PPP2R2B: variants seen among roughly 807,000 people sequenced by gnomAD.
PPP2R2B encodes the protein serine/threonine-protein phosphatase 2A 55 kDa regulatory subunit B beta isoform.
Under a neutral mutation model 46.0 loss-of-function variants are expected in PPP2R2B, and 5 were observed. The ratio of observed to expected loss-of-function variants is 0.11; its 90% confidence interval spans 0.06 to 0.23. PPP2R2B has a LOEUF of 0.23. Ranked by LOEUF, PPP2R2B falls within the 10% of genes least tolerant of loss-of-function variation. PPP2R2B has a pLI of 1.00. For synonymous variants in PPP2R2B, 215 were observed against 206.7 expected (o/e 1.04, Z -0.34); for missense variants, 367 against 575.0 (o/e 0.64, Z 3.70).
intron 1 of PPP2R2B, among the ~76,000 whole-genome samples, chr5:146,944,541 T>C (rs950093715): frequency 6.6e-5 from 10 of 152,142 alleles, no homozygotes; most frequent in Admixed American, 3.9e-4. Context: ...CTGGGTTTTA[T>C]ATAGTTTGAT....
In PPP2R2B at chr5:146,638,439, G is replaced by A. The variant is rs1182043008; in HGVS notation, c.626-24C>T. On this transcript the variant is annotated intron_variant, in intron 6 of 9. Transcript: ENST00000394411. The stretch of plus-strand genomic sequence containing the variant: ...ATCTGGCACAGACGAGTCAAGGAAG[G>A]AACCAGGAGAAGGAGGCAGGAACTT... The A allele has an allele frequency of 3.8e-6, 6 of 1,559,186 alleles. No homozygotes were observed. In the South Asian group the frequency reaches 7.1e-5, roughly 18 times the overall value.
chr5:146,646,639 G>A (rs440999), intron 6 of PPP2R2B, among the ~76,000 whole-genome samples: 4,812 of 152,232 alleles, frequency 0.032, 241 homozygotes, highest in African/African-American at 0.11. Flanking sequence ...TAACTAGGGG[G>A]CAGCATCTTG....
intron 8 of PPP2R2B, among the ~76,000 whole-genome samples, chr5:146,595,805 T>C (rs539428674): frequency 1.3e-5 from 2 of 152,232 alleles, no homozygotes; most frequent in Non-Finnish European, 2.9e-5. Flanking sequence ...TCATCCTATT[T>C]GATGTTCTTT....
intron 7 of PPP2R2B, among the ~76,000 whole-genome samples, chr5:146,618,073 GA>G (rs1773361020): frequency 6.6e-6 from 1 of 152,070 alleles, no homozygotes; most frequent in Admixed American, 6.5e-5. Context: ...CTAATCCCTA[GA>G]ACCTGTGACC....
intron 2 of PPP2R2B, among the ~76,000 whole-genome samples, chr5:146,761,542 C>T (rs1208921199): frequency 6.6e-6 from 1 of 151,860 alleles, no homozygotes; most frequent in Non-Finnish European, 1.5e-5. Flanking sequence ...GGGTGCAGCA[C>T]ACCAACATGG....
At chr5:146,631,925 A>C (rs1774448048) in intron 7 of PPP2R2B, among the ~76,000 whole-genome samples, 2 of 152,014 alleles carry the variant, frequency 1.3e-5, no homozygotes, top group African/African-American at 4.8e-5. Context: ...TACCTCCTGG[A>C]GGAAGGTGTC....
chr5:146,978,953 T>C (rs1753039296), intron 1 of PPP2R2B, among the ~76,000 whole-genome samples: 1 of 152,220 alleles, frequency 6.6e-6, no homozygotes, highest in Non-Finnish European at 1.5e-5. Context: ...GGAAAAATCT[T>C]ATTAAAATGT....
At chr5:146,854,247 C>T (rs1039225412) in intron 2 of PPP2R2B, among the ~76,000 whole-genome samples, 2 of 152,074 alleles carry the variant, frequency 1.3e-5, no homozygotes, top group African/African-American at 2.4e-5. Flanking sequence ...TCTTATACTG[C>T]TCTTAAATAA....
chr5:146,642,329 G>A (rs1561796868), intron 6 of PPP2R2B, among the ~76,000 whole-genome samples: 1 of 152,236 alleles, frequency 6.6e-6, no homozygotes, highest in African/African-American at 2.4e-5. Context: ...TCATCAGTGT[G>A]GGATGAGGGA....
At chr5:146,905,485 C>A (rs1369212514) in intron 1 of PPP2R2B, among the ~76,000 whole-genome samples, 1 of 152,080 alleles carries the variant, frequency 6.6e-6, no homozygotes, top group Non-Finnish European at 1.5e-5. Context: ...CTCCAGTGAT[C>A]CTCCAGCCAT....
intron 1 of PPP2R2B, among the ~76,000 whole-genome samples, chr5:147,042,193 C>T (rs1312110633): frequency 6.6e-6 from 1 of 152,114 alleles, no homozygotes; most frequent in Non-Finnish European, 1.5e-5. Context: ...TTTTTGCCTA[C>T]TTTACTTCTG....
rs567639563 is a variant in PPP2R2B, at chr5:146,717,293, A to T, written c.71-16151T>A. ...ATCAGATCACATTTCCATACCTCCA[A>T]GGACTCTATTTTTGGGGAACATTTC... On this transcript the variant is annotated intron_variant, in intron 2 of 9. Transcript: ENST00000394411. Among the ~76,000 whole-genome samples, 33 of 152,350 alleles carry T rather than the reference A, an allele frequency of 2.2e-4. 1 individual carries two copies. In the East Asian group the frequency reaches 6.0e-3, roughly 28 times the overall value.
At chr5:146,731,856 T>C (rs532019971) in intron 2 of PPP2R2B, among the ~76,000 whole-genome samples, 7 of 152,220 alleles carry the variant, frequency 4.6e-5, no homozygotes, top group Non-Finnish European at 8.8e-5. Flanking sequence ...TTTTTTTGTC[T>C]TTCCTCTATG....
chr5:146,863,815 T>A (rs932337772), intron 2 of PPP2R2B, among the ~76,000 whole-genome samples: 4 of 152,194 alleles, frequency 2.6e-5, no homozygotes, highest in African/African-American at 9.7e-5. Flanking sequence ...AGAGGAAGAA[T>A]GTTCTAAATA....
At chr5:146,781,629 A>G (rs1340869364) in intron 2 of PPP2R2B, among the ~76,000 whole-genome samples, 2 of 152,132 alleles carry the variant, frequency 1.3e-5, no homozygotes, top group Non-Finnish European at 2.9e-5. Flanking sequence ...AAAAGAGACA[A>G]AATTTTAGAC....
chr5:146,789,084 C>A (rs1756029118), intron 2 of PPP2R2B, among the ~76,000 whole-genome samples: 1 of 152,294 alleles, frequency 6.6e-6, no homozygotes, highest in Admixed American at 6.5e-5. Context: ...AAGGAGCGTG[C>A]TCCAGGAACA....
intron 2 of PPP2R2B, among the ~76,000 whole-genome samples, chr5:146,708,014 A>G (rs1581922448): frequency 1.3e-5 from 2 of 152,262 alleles, no homozygotes; most frequent in East Asian, 1.9e-4. Context: ...ACTGAATGAA[A>G]GATTTTAGCA....
In PPP2R2B at chr5:146,581,837, T is replaced by C. The variant is rs1432160363; in HGVS notation, c.*8110A>G. ...CTGAGTCTTCATAAGCCACCTGCAT[T>C]TGGAGTTGAAAACCAATGGTCTAGA... is the stretch of plus-strand genomic sequence containing the variant. On this transcript the variant is annotated 3_prime_UTR_variant, in exon 10 of 10. Transcript: ENST00000394411. 6.6e-6 allele frequency: 1 copy of C among 152,240 alleles called. No homozygotes were observed. The allele number at this position is 152,240 out of a possible 1,614,324, so 9.4% of individuals were successfully genotyped here.
chr5:147,074,360 C>G (rs34384078), intron 2 of PPP2R2B, among the ~76,000 whole-genome samples: 2 of 152,154 alleles, frequency 1.3e-5, no homozygotes, highest in African/African-American at 4.8e-5. Context: ...AATGGGAATT[C>G]TTTTCATTGC....
Sources: gnomAD v4.1 joint callset for allele counts (sites outside exome capture counted in the v4.1 genomes callset) on GRCh38, gnomAD v4.1.1 for gene constraint, MANE v1.5 for transcripts, NCBI Gene and HGNC (gene_info 2026-07-23, HGNC 2026-07-21) for gene names.